The following RABGAP1L variants were observed in gnomAD, a reference collection of about 807,000 sequenced individuals.
RABGAP1L encodes rab GTPase-activating protein 1-like.
In RABGAP1L, 63 loss-of-function variants were observed where a neutral mutation model predicts 137.7. That is an observed-to-expected ratio of 0.46 (90% confidence interval 0.37 to 0.56). The LOEUF is 0.56. RABGAP1L is among the 20% of genes least tolerant of loss of function. The probability of loss-of-function intolerance (pLI) is 0.00; values close to 1 mark genes in which losing one functional copy is unlikely to be tolerated. For synonymous variants in RABGAP1L, 431 were observed against 433.7 expected (o/e 0.99, Z 0.08); for missense variants, 1,095 against 1,244.0 (o/e 0.88, Z 1.80).
rs770284796 is a variant in RABGAP1L at position 174,305,097 on chromosome 1, A to T, written c.1435A>T (p.Met479Leu). The T allele has an allele frequency of 5.8e-6, 9 of 1,548,654 alleles. No individual in the cohort carries two copies. The East Asian group carries it at 2.3e-4, about 39-fold the overall frequency. Residue 479 changes from methionine to leucine, a missense_variant, in exon 11 of 26, where the codon ATG becomes TTG. Coordinates refer to ENST00000681986, the MANE Select transcript of RABGAP1L (RefSeq NM_001366446.1). ...CACTCCTACTAGTGGAGGGGGTCCA[A>T]TGTCACCCCAGGATGATGAAGCAGA... ...PVTPTSGGGPMSPQDDEAEEE... is the reference protein window; with the variant it reads ...PVTPTSGGGPLSPQDDEAEEE...
chr1:174,410,089 G>C (rs1014855545), intron 13 of RABGAP1L, among the ~76,000 whole-genome samples: 2 of 152,042 alleles, frequency 1.3e-5, no homozygotes, highest in Non-Finnish European at 2.9e-5. Flanking sequence ...CCCTTTTGAA[G>C]TCCTTAATAA....
rs368672299 is a variant in RABGAP1L, at chr1:174,241,493, C to T, written c.553C>T (p.Gln185Ter). The change falls in exon 5 of 26, where the codon CAA becomes TAA. Residue 185 changes from glutamine (Q) to a stop codon, truncating the protein, a stop_gained. Transcript: ENST00000681986. LOFTEE classifies it high-confidence loss of function. Reference protein sequence around the residue: ...VPEGSVRIIDQSSNVEIASFP... With the variant: ...VPEGSVRIID ...ATTACTGTTCTACAGAATTATAGAC[C>T]AATCCAGCAATGTGGAGATAGCATC... The T allele has an allele frequency of 1.9e-6, 3 of 1,577,292 alleles. No individual in the cohort carries two copies. Among genetic ancestry groups the T allele is most frequent in the Non-Finnish European group, 2.6e-6 (3 of 1,162,364 alleles).
chr1:174,760,272 A>G (rs1413645456), intron 18 of RABGAP1L, among the ~76,000 whole-genome samples: 1 of 151,888 alleles, frequency 6.6e-6, no homozygotes, highest in African/African-American at 2.4e-5. Flanking sequence ...TATACAGATT[A>G]TTTCTTCACC....
chr1:174,397,787 T>C (rs1648059127), intron 13 of RABGAP1L, among the ~76,000 whole-genome samples: 1 of 152,150 alleles, frequency 6.6e-6, no homozygotes, highest in Non-Finnish European at 1.5e-5. Context: ...GCCAGCTTTG[T>C]TCAAGACTTC....
At chr1:174,717,820 A>G (rs1681149784) in intron 17 of RABGAP1L, among the ~76,000 whole-genome samples, 1 of 152,218 alleles carries the variant, frequency 6.6e-6, no homozygotes, top group Non-Finnish European at 1.5e-5. Flanking sequence ...TCTTACTATC[A>G]GAAGAGCATG....
chr1:174,823,279 C>T (rs1371409344), intron 19 of RABGAP1L, among the ~76,000 whole-genome samples: 1 of 152,156 alleles, frequency 6.6e-6, no homozygotes, highest in South Asian at 2.1e-4. Flanking sequence ...TGCCAATTAC[C>T]TTTTATCCAG....
chr1:174,543,336 C>T lies in RABGAP1L; in HGVS notation c.1711-94039C>T, dbSNP rs1013129928. Among the ~76,000 whole-genome samples the T allele has an allele frequency of 2.7e-4, 38 of 140,748 alleles. 2 individuals carry two copies. The highest frequency in any genetic ancestry group is 1.0e-4 in the Non-Finnish European group (7 of 66,748). The allele number at this position is 140,748 out of a possible 152,430, so 92.3% of individuals were successfully genotyped here. A position where few individuals can be genotyped will look rare whatever the true frequency, so the allele number is the denominator to read the frequency against. ...GTTCTTCTTGTTGAATTGATCCCTT[C>T]ACCATTATGTAATGGCCTTCTTTGT... On this transcript the variant is annotated intron_variant, in intron 13 of 25. Transcript: ENST00000681986.
chr1:174,196,530 C>T (rs61828574), intron 1 of RABGAP1L, among the ~76,000 whole-genome samples: 1 of 151,042 alleles, frequency 6.6e-6, no homozygotes, highest in African/African-American at 2.4e-5. Context: ...TTTCTTAATC[C>T]TTTTATTCTT....
chr1:174,778,434 T>C (rs1686703457), intron 18 of RABGAP1L, among the ~76,000 whole-genome samples: 1 of 152,180 alleles, frequency 6.6e-6, no homozygotes, highest in South Asian at 2.1e-4. Context: ...CACAGAAATA[T>C]GAATCTGCTC....
intron 12 of RABGAP1L, among the ~76,000 whole-genome samples, chr1:174,377,118 C>A (rs937959307): frequency 1.3e-5 from 2 of 151,952 alleles, no homozygotes; most frequent in Non-Finnish European, 2.9e-5. Context: ...TAAAGGAAAA[C>A]CATGAAATAT....
chr1:174,437,138 C>G (rs181860131), intron 13 of RABGAP1L, among the ~76,000 whole-genome samples: 1 of 152,018 alleles, frequency 6.6e-6, no homozygotes, highest in East Asian at 1.9e-4. Context: ...GCAGAAAAAC[C>G]GGAAACTCTA....
intron 10 of RABGAP1L, among the ~76,000 whole-genome samples, chr1:174,283,503 TTG>T (rs1675763229): frequency 6.6e-6 from 1 of 151,196 alleles, no homozygotes. Context: ...GCTGTTTTTT[TTG>T]TTTGTTTGTT....
intron 17 of RABGAP1L, among the ~76,000 whole-genome samples, chr1:174,744,117 A>T (rs75726275): frequency 7.0e-6 from 1 of 142,554 alleles, no homozygotes; most frequent in Non-Finnish European, 1.5e-5. Context: ...AAAAAAAAAA[A>T]GCGATTGATT....
At chr1:174,351,516 C>T (rs949997256) in intron 11 of RABGAP1L, among the ~76,000 whole-genome samples, 5 of 152,078 alleles carry the variant, frequency 3.3e-5, no homozygotes, top group African/African-American at 1.2e-4. Flanking sequence ...TGTAAGGTTT[C>T]CACTGAGAAG....
chr1:174,814,603 A>G (rs377205189), intron 19 of RABGAP1L, among the ~76,000 whole-genome samples: 1 of 152,154 alleles, frequency 6.6e-6, no homozygotes, highest in Non-Finnish European at 1.5e-5. Context: ...TGTCAAGACC[A>G]TGACTATATG....
chr1:174,922,162 C>CCTAA (rs1292455972), intron 19 of RABGAP1L: 3 of 152,338 alleles, frequency 2.0e-5, no homozygotes, highest in African/African-American at 7.2e-5. Flanking sequence ...GGTGTTTAGT[C>CCTAA]ATTCCCAGCT....
chr1:174,197,889 A>C (rs1667815983), intron 1 of RABGAP1L, among the ~76,000 whole-genome samples: 1 of 152,156 alleles, frequency 6.6e-6, no homozygotes, highest in Non-Finnish European at 1.5e-5. Context: ...AGTGCAGAAA[A>C]ACCCATTTTA....
chr1:174,639,253 A>G (rs1317200432), intron 14 of RABGAP1L, among the ~76,000 whole-genome samples: 1 of 152,090 alleles, frequency 6.6e-6, no homozygotes, highest in Non-Finnish European at 1.5e-5. Context: ...ATCTATTTTT[A>G]TATGAATGTG....
intron 1 of RABGAP1L, among the ~76,000 whole-genome samples, chr1:174,208,255 G>A (rs994851271): frequency 6.6e-6 from 1 of 150,846 alleles, no homozygotes; most frequent in Non-Finnish European, 1.5e-5. Context: ...TTGCTTATTA[G>A]TTCTGAGGGT....
Sources: allele counts gnomAD v4.1 joint callset (sites outside exome capture counted in the v4.1 genomes callset), GRCh38; gene constraint gnomAD v4.1.1; transcripts MANE v1.5; gene names NCBI Gene and HGNC (gene_info 2026-07-23, HGNC 2026-07-21).